Variants in TRIM5 observed in about 807,000 individuals in gnomAD.
The protein encoded by TRIM5 is tripartite motif containing 5.
Under a neutral mutation model 35.6 loss-of-function variants are expected in TRIM5, and 31 were observed. The observed-to-expected ratio is 0.87, with a 90% CI of 0.65 to 1.18. TRIM5 has a LOEUF of 1.18. Ranked by LOEUF, TRIM5 falls within the 50% of genes most tolerant of loss-of-function variation. The pLI, the probability that TRIM5 is intolerant of heterozygous loss-of-function variation, is 0.00. For missense variants in TRIM5, 609 were observed against 591.6 expected (o/e 1.03, Z -0.31); for synonymous variants, 243 against 215.6 (o/e 1.13, Z -1.11).
chr11:5,619,331 G>A, the TRIM5 span, among the ~76,000 whole-genome samples: 2 of 152,238 alleles, frequency 1.3e-5, no homozygotes, highest in Admixed American at 1.3e-4. Context: ...TCTGTTGCCA[G>A]AGAAGTACAG....
rs774296690 is a variant in TRIM5, at chr11:5,666,008, G to C, written c.841C>G (p.Leu281Val). The change falls in exon 6 of 8, where the codon CTG (leucine) becomes GTG (valine). Residue 281 changes from leucine (L) to valine (V), a missense_variant. Leu to Val is a conservative substitution (Grantham distance 32). Transcript: ENST00000380034. ...CTAAACACTTCTAGCATTCCTTTCA[G>C]ATCAGGAGCTCGAAACACTCTCCTT... is the stretch of plus-strand genomic sequence containing the variant. ...NQRRVFRAPD[L>V]KGMLEVFREL... 1.9e-6 allele frequency: 3 copies of C among 1,612,168 alleles called. No individual in the cohort carries two copies. In the South Asian group the frequency reaches 3.3e-5, roughly 18 times the overall value.
chr11:5,624,035 C>T, the TRIM5 span, among the ~76,000 whole-genome samples: 1 of 152,118 alleles, frequency 6.6e-6, no homozygotes, highest in Admixed American at 6.5e-5. Context: ...TTTGTGGAGG[C>T]ACAATGTGGG....
At chr11:5,638,151 G>A in the TRIM5 span, among the ~76,000 whole-genome samples, 6 of 152,222 alleles carry the variant, frequency 3.9e-5, no homozygotes, top group East Asian at 9.6e-4. Context: ...CTGAATGCTT[G>A]TGGGTGACAA....
the TRIM5 span, among the ~76,000 whole-genome samples, chr11:5,617,935 CAG>C: frequency 6.6e-6 from 1 of 151,916 alleles, no homozygotes; most frequent in African/African-American, 2.4e-5. Context: ...ACCTACAAAA[CAG>C]GGCAGCAAAA....
the TRIM5 span, among the ~76,000 whole-genome samples, chr11:5,635,885 C>T: frequency 6.6e-6 from 1 of 152,052 alleles, no homozygotes; most frequent in Non-Finnish European, 1.5e-5. Flanking sequence ...ATGGACAATA[C>T]CAAGTGTTTG....
At chr11:5,684,207 G>C (rs1003636024) in intron 1 of TRIM5, 1 of 157,354 alleles carries the variant, frequency 6.4e-6, no homozygotes, top group Non-Finnish European at 1.4e-5. Context: ...TTTATAAACA[G>C]AGGTGGCACA....
the TRIM5 span, chr11:5,655,690 C>A: frequency 3.0e-6 from 3 of 985,400 alleles, no homozygotes; most frequent in Non-Finnish European, 3.6e-6. Flanking sequence ...GTGACGTCAT[C>A]TGGCATATGC....
At chr11:5,612,346 G>A in the TRIM5 span, 2 of 152,120 alleles carry the variant, frequency 1.3e-5, no homozygotes, top group African/African-American at 4.8e-5. Context: ...ATTGAAGAGA[G>A]TCTTCACTAC....
intron 4 of TRIM5, among the ~76,000 whole-genome samples, chr11:5,674,117 T>C (rs1851766059): frequency 6.6e-6 from 1 of 151,858 alleles, no homozygotes; most frequent in Non-Finnish European, 1.5e-5. Context: ...GTTAACAAAA[T>C]TGACCAAATA....
At chr11:5,638,518 T>G in the TRIM5 span, among the ~76,000 whole-genome samples, 2 of 152,194 alleles carry the variant, frequency 1.3e-5, no homozygotes, top group Admixed American at 1.3e-4. Flanking sequence ...CCAAATATAT[T>G]GGTACATCTT....
At chr11:5,600,216 C>T in the TRIM5 span, among the ~76,000 whole-genome samples, 16 of 152,270 alleles carry the variant, frequency 1.1e-4, no homozygotes, top group South Asian at 2.1e-4. Context: ...CATTCAACAC[C>T]GGCCCCGCCA....
chr11:5,591,856 G>A, the TRIM5 span, among the ~76,000 whole-genome samples: 5 of 152,050 alleles, frequency 3.3e-5, no homozygotes, highest in Non-Finnish European at 5.9e-5. Flanking sequence ...TGCATGCTTG[G>A]TTTATCTAGG....
At chr11:5,619,089 G>A in the TRIM5 span, among the ~76,000 whole-genome samples, 5 of 152,120 alleles carry the variant, frequency 3.3e-5, no homozygotes, top group Non-Finnish European at 5.9e-5. Context: ...TGGGAAAAAC[G>A]ACCAGCTTTG....
chr11:5,675,415 G>A (rs932492180), intron 4 of TRIM5, among the ~76,000 whole-genome samples: 31 of 152,084 alleles, frequency 2.0e-4, no homozygotes, highest in African/African-American at 7.2e-4. Context: ...CCTGGGTCCA[G>A]GTGATTTACC....
intron 2 of TRIM5, among the ~76,000 whole-genome samples, chr11:5,679,531 G>A (rs1380992025): frequency 6.6e-6 from 1 of 151,834 alleles, no homozygotes; most frequent in East Asian, 1.9e-4. Flanking sequence ...CTAACCCAAG[G>A]TACAAAATAT....
chr11:5,678,132 C>T, intron 4 of TRIM5, 72 bp downstream of exon 4: 2 of 1,311,828 alleles, frequency 1.5e-6, no homozygotes, highest in Non-Finnish European at 2.1e-6. Context: ...AGAAAAAGCA[C>T]AGCAACGCAG....
rs573597599 is a variant in TRIM5 at position 5,666,103 on chromosome 11, A to AC, written c.768-23_768-22insG. 3.6e-4 allele frequency: 570 copies of AC among 1,578,904 alleles called. 1 individual carries two copies. In the South Asian group the frequency reaches 4.6e-3, roughly 13 times the overall value. On this transcript the variant is annotated intron_variant, in intron 5 of 7. Transcript: ENST00000380034. ...CGTCCTAAGAATTAAAAAAAAAAAA[A>AC]AAAACTTCCAAACCTTTGACCTTGT...
chr11:5,600,082 C>T, the TRIM5 span, among the ~76,000 whole-genome samples: 1 of 152,074 alleles, frequency 6.6e-6, no homozygotes, highest in Admixed American at 6.5e-5. Context: ...GTCTGTAACA[C>T]CAATTAGTAC....
intron 3 of TRIM5, 66 bp from the exon 4 acceptor site, chr11:5,678,500 G>A (rs915828859): frequency 7.4e-7 from 1 of 1,350,710 alleles, no homozygotes; most frequent in Non-Finnish European, 1.0e-6. Flanking sequence ...GCCAGAAAAG[G>A]AGCTGTTTCT....
Sources: allele counts gnomAD v4.1 joint callset (sites outside exome capture counted in the v4.1 genomes callset), GRCh38; gene constraint gnomAD v4.1.1; transcripts MANE v1.5; gene names NCBI Gene and HGNC (gene_info 2026-07-23, HGNC 2026-07-21).